ZNF746: variants seen among roughly 807,000 people sequenced by gnomAD.
ZNF746 encodes parkin-interacting substrate.
ZNF746 carries 13 observed loss-of-function variants against 41.0 expected under a neutral mutation model. The ratio of observed to expected loss-of-function variants is 0.32; its 90% CI spans 0.21 to 0.50. ZNF746 has a LOEUF of 0.50. ZNF746 is among the 20% of genes least tolerant of loss of function. The pLI, the probability that ZNF746 is intolerant of heterozygous loss-of-function variation, is 0.98. For missense variants in ZNF746, 811 were observed against 922.9 expected, an observed-to-expected ratio of 0.88 and a Z score of 1.57; for synonymous variants, 424 against 396.2, an observed-to-expected ratio of 1.07 and a Z score of -0.83.
At chr7:149,479,245 A>G (rs767504082) in intron 4 of ZNF746, among the ~76,000 whole-genome samples, 1 of 152,244 alleles carries the variant, frequency 6.6e-6, no homozygotes, top group African/African-American at 2.4e-5. Context: ...ATGGAACCAC[A>G]GCAAAGACAA....
Position 149,487,634 on chromosome 7 carries a change from T to A in ZNF746, c.565+5225A>T, listed in dbSNP as rs369357604. ...AAACCATTAGACATGAGAGCAAGAT[T>A]TTTTTTAATAAACAAAAGTCAACAG... On this transcript the variant is annotated intron_variant, in intron 4 of 6. Transcript: ENST00000458143. 3.8e-4 allele frequency: 58 copies of A among 152,284 alleles called. 1 individual carries two copies. Among genetic ancestry groups the A allele is most frequent in the African/African-American group, 1.3e-3 (53 of 41,564 alleles). 9.4% of individuals were successfully genotyped at this position (152,284 alleles called of 1,614,324 possible).
At position 149,475,200 on chromosome 7, in the gene ZNF746, G is replaced by A. The variant is rs532951967; in HGVS notation, c.1167C>T (p.Leu389=). 5.4e-5 allele frequency: 87 copies of A among 1,612,940 alleles called. No homozygotes were observed. Among genetic ancestry groups the A allele is most frequent in the Admixed American group, 1.0e-4 (6 of 60,010 alleles). ...TCCAGCCCCACCGGACCCCTCCGAA[G>A]AGCCAGTCCCCAGGAGGGGTCTCCT... is the stretch of plus-strand genomic sequence containing the variant. The part of the protein sequence containing the change: ...AQEETPPGDW[L]FGGVRWGWNF... Residue 389 remains leucine, a synonymous_variant, in exon 7 of 7, where the codon CTC becomes CTT. Transcript: ENST00000458143.
In ZNF746 at chr7:149,494,278, C is replaced by T; in HGVS notation, c.250G>A (p.Val84Met). ...TTCCTGTTGCGCAGCAGGTTCTCCACGTTCTCCAGCCGCCTCTGCAGCAGC... is the reference window on the plus strand; with the variant it reads ...TTCCTGTTGCGCAGCAGGTTCTCCATGTTCTCCAGCCGCCTCTGCAGCAGC... ...YGLLQRRLENVENLLRNRNFW... is the reference protein window; with the variant it reads ...YGLLQRRLENMENLLRNRNFW... Residue 84 changes from valine (V) to methionine (M), a missense_variant, in exon 2 of 7, where the codon GTG becomes ATG. Coordinates refer to ENST00000458143, the MANE Select transcript of ZNF746 (RefSeq NM_001394198.1). The surrounding 1 kb of genome is among the most constrained non-coding windows in gnomAD (Gnocchi z 5.6). The T allele has an allele frequency of 3.7e-6, 6 of 1,614,114 alleles. No homozygotes were observed. The highest frequency in any genetic ancestry group is 4.5e-5 in the East Asian group (2 of 44,862).
intron 4 of ZNF746, 53 bp from the exon 5 acceptor site, chr7:149,477,808 G>A (rs1459692832): frequency 1.0e-5 from 15 of 1,451,308 alleles, no homozygotes; most frequent in South Asian, 9.3e-5. Context: ...TCAGCCCTGG[G>A]GCATACACGC....
Position 149,474,982 on chromosome 7 carries a change from G to T in ZNF746, c.1385C>A (p.Ala462Glu). The T allele has an allele frequency of 6.5e-7, 1 of 1,547,616 alleles. No individual in the cohort carries two copies. Among genetic ancestry groups the T allele is most frequent in the South Asian group, 1.2e-5 (1 of 83,850 alleles). ...GGTGAAGGGCCGGCCCCCGGGGGGC[G>T]CCGCGGGGTGCTTCTTCAGCCCTGG... is the stretch of plus-strand genomic sequence containing the variant. ...HKPGLKKHPA[A>E]PPGGRPFTCA... is the part of the protein sequence containing the mutation. Residue 462 changes from alanine to glutamate, a missense_variant, in exon 7 of 7, where the codon GCG (alanine) becomes GAG (glutamate). This residue lies in a region of ZNF746 where 495 missense variants were observed against 481.6 expected (regional missense o/e 1.03). Transcript: ENST00000458143. The surrounding 1 kb of genome is among the most constrained non-coding windows in gnomAD (Gnocchi z 6.3).
Position 149,488,673 on chromosome 7 carries a change from C to T in ZNF746, c.565+4186G>A, listed in dbSNP as rs904117396. ...AGAGGCCATCTCACCCCCATCAGGTCGGCAAAAATGTAATTATGGAAACTG... is the reference window on the plus strand; with the variant it reads ...AGAGGCCATCTCACCCCCATCAGGTTGGCAAAAATGTAATTATGGAAACTG... On this transcript the variant is annotated intron_variant, in intron 4 of 6. Transcript: ENST00000458143. 6.6e-5 allele frequency: 10 copies of T among 152,274 alleles called. No individual in the cohort carries two copies. In the East Asian group the frequency reaches 1.5e-3, roughly 24 times the overall value. The allele number at this position is 152,274 out of a possible 1,614,324, so 9.4% of individuals were successfully genotyped here.
rs372363873 is a variant in ZNF746, at chr7:149,475,976, T to C, written c.884-493A>G. The stretch of plus-strand genomic sequence containing the variant: ...GTGAGCTATTTGACATGCAGCAGCA[T>C]TCAATAAATGGACCCACCAGCTAAT... On this transcript the variant is annotated intron_variant, in intron 6 of 6. Transcript: ENST00000458143. Among the ~76,000 whole-genome samples the C allele has an allele frequency of 1.4e-4, 22 of 152,290 alleles. No individual in the cohort carries two copies. The East Asian group carries it at 3.9e-3, about 27-fold the overall frequency.
In ZNF746 at chr7:149,474,121, AC is replaced by A. The variant is rs1334077180; in HGVS notation, c.*262del. 5.9e-6 allele frequency: 3 copies of A among 504,570 alleles called. No individual in the cohort carries two copies. The highest frequency in any genetic ancestry group is 3.6e-5 in the Admixed American group (1 of 27,830). 31.3% of individuals were successfully genotyped at this position (504,570 alleles called of 1,614,324 possible). On this transcript the variant is annotated 3_prime_UTR_variant, in exon 7 of 7. Coordinates refer to ENST00000458143, the MANE Select transcript of ZNF746 (RefSeq NM_001394198.1). The surrounding 1 kb of genome is among the most constrained non-coding windows in gnomAD (Gnocchi z 6.3). ...CTTTTTCCTCAAGAATTAAAAAAAA[AC>A]AAAAAACAAAAAACAAAACAGGTTT... is the stretch of plus-strand genomic sequence containing the variant.
Position 149,473,236 on chromosome 7 carries a change from A to T in ZNF746, c.*1148T>A, listed in dbSNP as rs577042825. ...GCAGAAGTTCCTTTGAGGCCTGGTG[A>T]CTGGACTCTTGTCGGTGTGGGACAA... On this transcript the variant is annotated 3_prime_UTR_variant, in exon 7 of 7. Transcript: ENST00000458143. 2.6e-5 allele frequency: 4 copies of T among 152,234 alleles called. No individual in the cohort carries two copies. In the East Asian group the frequency reaches 7.8e-4, roughly 30 times the overall value. 9.4% of individuals were successfully genotyped at this position (152,234 alleles called of 1,614,324 possible). A position where few individuals can be genotyped will look rare whatever the true frequency, so the allele number is the denominator to read the frequency against.
Position 149,474,507 on chromosome 7 carries a change from C to T in ZNF746, c.1860G>A (p.Pro620=), listed in dbSNP as rs772901533. The change falls in exon 7 of 7, where the codon CCG becomes CCA. Residue 620 remains proline, a synonymous_variant. Transcript: ENST00000458143. The surrounding 1 kb of genome is among the most constrained non-coding windows in gnomAD (Gnocchi z 6.3). The part of the protein sequence containing the change: ...TPARGQPLPT[P]PAPPDPFKSP... ...TCTTGAAGGGATCAGGAGGTGCGGG[C>T]GGCGTCGGGAGTGGCTGGCCTCGGG... 3.7e-6 allele frequency: 6 copies of T among 1,609,352 alleles called. No homozygotes were observed. Among genetic ancestry groups the T allele is most frequent in the Non-Finnish European group, 4.2e-6 (5 of 1,177,826 alleles).
rs113751866 is a variant in ZNF746, at chr7:149,484,307, G to C, written c.566-6552C>G. ...TCAAAAATCCTAAACAAAATAATTA[G>C]CATACAGCAATGTTCATAAAGGATC... On this transcript the variant is annotated intron_variant, in intron 4 of 6. Coordinates refer to ENST00000458143, the MANE Select transcript of ZNF746 (RefSeq NM_001394198.1). Among the ~76,000 whole-genome samples the C allele has an allele frequency of 0.016, 2,375 of 152,132 alleles. 128 individuals carry two copies. The East Asian group carries it at 0.19, about 12-fold the overall frequency.
At position 149,494,842 on chromosome 7, in the gene ZNF746, C is replaced by T. The variant is rs150614579; in HGVS notation, c.25-339G>A. On this transcript the variant is annotated intron_variant, in intron 1 of 6. Coordinates refer to ENST00000458143, the MANE Select transcript of ZNF746 (RefSeq NM_001394198.1). This position sits in a 1 kb window ranked among gnomAD's most constrained non-coding sequence, Gnocchi z 5.6. ...TCATACCACTGTCCTTGACACATGG[C>T]AGGTACCCAGTGCAATTTTGTTACG... Among the ~76,000 whole-genome samples, 1 of 151,984 alleles carries T rather than the reference C, an allele frequency of 6.6e-6. No individual in the cohort carries two copies. The highest frequency in any genetic ancestry group is 1.5e-5 in the Non-Finnish European group (1 of 68,000).
chr7:149,491,616 A>G, intron 4 of ZNF746: 1 of 486,124 alleles, frequency 2.1e-6, no homozygotes, highest in African/African-American at 1.9e-5. Flanking sequence ...GCCAGCCCGG[A>G]ACATGCTTCT....
chr7:149,474,974 C>CG lies in ZNF746; in HGVS notation c.1392dup (p.Gly465ArgfsTer96). The stretch of plus-strand genomic sequence containing the variant: ...GTGGCGCAGGTGAAGGGCCGGCCCC[C>CG]GGGGGGCGCCGCGGGGTGCTTCTTC... On this transcript the variant is annotated frameshift_variant, in exon 7 of 7. Transcript: ENST00000458143. LOFTEE classifies it low-confidence loss of function (END_TRUNC). This position sits in a 1 kb window ranked among gnomAD's most constrained non-coding sequence, Gnocchi z 6.3. The CG allele has an allele frequency of 6.5e-7, 1 of 1,547,988 alleles. No individual in the cohort carries two copies.
At chr7:149,485,616 C>T (rs1255068284) in intron 4 of ZNF746, among the ~76,000 whole-genome samples, 1 of 152,090 alleles carries the variant, frequency 6.6e-6, no homozygotes, top group Admixed American at 6.5e-5. Context: ...AAGGACAAAC[C>T]ATAAAGGAAA....
chr7:149,494,731 C>T lies in ZNF746; in HGVS notation c.25-228G>A, dbSNP rs1800938024. Among the ~76,000 whole-genome samples, 1 of 151,666 alleles carries T rather than the reference C, an allele frequency of 6.6e-6. No individual in the cohort carries two copies. Among genetic ancestry groups the T allele is most frequent in the Non-Finnish European group, 1.5e-5 (1 of 67,946 alleles). ...CCAGGCCTCTGCAGCACAATGCAGA[C>T]CCTTATCACGGTGCTTATCACCCTA... On this transcript the variant is annotated intron_variant, in intron 1 of 6. Coordinates refer to ENST00000458143, the MANE Select transcript of ZNF746 (RefSeq NM_001394198.1). The surrounding 1 kb of genome is among the most constrained non-coding windows in gnomAD (Gnocchi z 5.6).
rs769680572 is a variant in ZNF746, at chr7:149,477,035, T to G, written c.770A>C (p.Asn257Thr). Residue 257 changes from asparagine to threonine, a missense_variant, in exon 6 of 7, where the codon AAC (asparagine) becomes ACC (threonine). Around this residue, in one of 4 missense-constraint regions of ZNF746, gnomAD observed 495 missense variants for 481.6 expected, o/e 1.03. Coordinates refer to ENST00000458143, the MANE Select transcript of ZNF746 (RefSeq NM_001394198.1). Reference protein sequence around the residue: ...STDATSGVHSNFSTTIPPTSW... With the variant: ...STDATSGVHSTFSTTIPPTSW... ...GGTGGGCGGGATGGTGGTGGAAAAG[T>G]TGGAATGGACACCTGCGGTAAGGGG... 6.2e-7 allele frequency: 1 copy of G among 1,612,604 alleles called. No individual in the cohort carries two copies. Among genetic ancestry groups the G allele is most frequent in the Non-Finnish European group, 8.5e-7 (1 of 1,179,610 alleles).
chr7:149,474,129 CA>C lies in ZNF746; in HGVS notation c.*254del. On this transcript the variant is annotated 3_prime_UTR_variant, in exon 7 of 7. Transcript: ENST00000458143. This position sits in a 1 kb window ranked among gnomAD's most constrained non-coding sequence, Gnocchi z 6.3. ...TCAAGAATTAAAAAAAAACAAAAAACAAAAAACAAAACAGGTTTGCAATTAA... is the reference window on the plus strand; with the variant it reads ...TCAAGAATTAAAAAAAAACAAAAAACAAAAACAAAACAGGTTTGCAATTAA... 1.9e-6 allele frequency: 1 copy of C among 513,784 alleles called. No individual in the cohort carries two copies. Among genetic ancestry groups the C allele is most frequent in the East Asian group, 3.4e-5 (1 of 29,280 alleles). 31.8% of individuals were successfully genotyped at this position (513,784 alleles called of 1,614,324 possible).
chr7:149,474,706 A>G lies in ZNF746; in HGVS notation c.1661T>C (p.Phe554Ser). 6.2e-7 allele frequency: 1 copy of G among 1,612,490 alleles called. No individual in the cohort carries two copies. Among genetic ancestry groups the G allele is most frequent in the Non-Finnish European group, 8.5e-7 (1 of 1,179,668 alleles). Reference sequence around the variant, plus strand: ...GCGCTTCTCACACTCGGTGCAGGGGAAGGGCCGCTCGCCGGTGTGCAGCAT... The same window carrying G: ...GCGCTTCTCACACTCGGTGCAGGGGGAGGGCCGCTCGCCGGTGTGCAGCAT... ...HRMLHTGERP[F>S]PCTECEKRFT... Residue 554 changes from phenylalanine (F) to serine (S), a missense_variant, in exon 7 of 7, where the codon TTC (phenylalanine) becomes TCC (serine). By Grantham distance (155) the Phe-to-Ser change is radical. Transcript: ENST00000458143. The surrounding 1 kb of genome is among the most constrained non-coding windows in gnomAD (Gnocchi z 6.3).
Sources: gnomAD v4.1 joint callset for allele counts (sites outside exome capture counted in the v4.1 genomes callset) on GRCh38, gnomAD v4.1.1 for gene constraint, gnomAD v4.1.1 regional missense constraint, Gnocchi (gnomAD v3.1) non-coding constraint, MANE v1.5 for transcripts, NCBI Gene and HGNC (gene_info 2026-07-23, HGNC 2026-07-21) for gene names.